The following ADAMTS16 variants were observed in gnomAD, a reference collection of about 807,000 sequenced individuals.
The protein encoded by ADAMTS16 is ADAM metallopeptidase with thrombospondin type 1 motif 16, also known as A disintegrin and metalloproteinase with thrombospondin motifs 16.
In ADAMTS16, 94 loss-of-function variants were observed where a neutral mutation model predicts 145.8. That is an observed-to-expected ratio of 0.64 (90% confidence interval 0.55 to 0.77). The LOEUF is 0.77. Among genes scored for constraint, ADAMTS16 ranks in the 30% least tolerant of loss-of-function variants. ADAMTS16 has a pLI of 0.00. For missense variants in ADAMTS16, 1,585 were observed against 1,591.5 expected (o/e 1.00, Z 0.07); for synonymous variants, 659 against 604.3 (o/e 1.09, Z -1.33).
At chr5:5,146,745 C>A (rs1161144200) in intron 3 of ADAMTS16, among the ~76,000 whole-genome samples, 2 of 152,182 alleles carry the variant, frequency 1.3e-5, no homozygotes, top group Non-Finnish European at 2.9e-5. Flanking sequence ...AATCTGAATT[C>A]TTTAGCTTCT....
At chr5:5,275,989 G>A (rs756252312) in intron 18 of ADAMTS16, among the ~76,000 whole-genome samples, 37 of 151,992 alleles carry the variant, frequency 2.4e-4, no homozygotes, top group Non-Finnish European at 1.8e-4. Context: ...CTCCCGAGTA[G>A]CTGGGATTAC....
chr5:5,221,840 C>T (rs1736612133), intron 10 of ADAMTS16, among the ~76,000 whole-genome samples: 1 of 152,194 alleles, frequency 6.6e-6, no homozygotes, highest in Admixed American at 6.5e-5. Context: ...ATCTTCCCAG[C>T]TGCACTACGT....
chr5:5,205,720 T>A (rs1736086830), intron 9 of ADAMTS16, among the ~76,000 whole-genome samples: 1 of 152,272 alleles, frequency 6.6e-6, no homozygotes, highest in Non-Finnish European at 1.5e-5. Flanking sequence ...ATATGCTTAT[T>A]TGCCATCTAT....
chr5:5,220,367 C>A (rs1449369005), intron 10 of ADAMTS16, among the ~76,000 whole-genome samples: 2 of 150,324 alleles, frequency 1.3e-5, no homozygotes, highest in Non-Finnish European at 3.0e-5. Context: ...ACTGTGTTAG[C>A]CAGGATGATC....
At chr5:5,177,019 C>A (rs1475582706) in intron 3 of ADAMTS16, among the ~76,000 whole-genome samples, 1 of 152,222 alleles carries the variant, frequency 6.6e-6, no homozygotes, top group East Asian at 1.9e-4. Context: ...CCAGATGACT[C>A]CTTCCCAGTC....
chr5:5,154,247 GT>G (rs1434142296), intron 3 of ADAMTS16, among the ~76,000 whole-genome samples: 1 of 152,182 alleles, frequency 6.6e-6, no homozygotes, highest in Non-Finnish European at 1.5e-5. Flanking sequence ...AGATGAAAAT[GT>G]CAGTCTTGGG....
chr5:5,168,596 A>G (rs1406519837), intron 3 of ADAMTS16, among the ~76,000 whole-genome samples: 1 of 125,512 alleles, frequency 8.0e-6, no homozygotes, highest in East Asian at 2.1e-4. Flanking sequence ...TATTATATAT[A>G]ATATATAATT....
intron 10 of ADAMTS16, among the ~76,000 whole-genome samples, chr5:5,215,789 ATG>A (rs373236533): frequency 2.2e-3 from 101 of 46,010 alleles, no homozygotes; most frequent in African/African-American, 0.016. Flanking sequence ...TGGTATATAT[ATG>A]TGTGGTATAT....
chr5:5,260,530 C>G (rs185761379), intron 17 of ADAMTS16, among the ~76,000 whole-genome samples: 1 of 152,172 alleles, frequency 6.6e-6, no homozygotes, highest in African/African-American at 2.4e-5. Context: ...GCCAAGTTAG[C>G]AGAGAGATGA....
At position 5,262,696 on chromosome 5, in the gene ADAMTS16, AG is replaced by A. The variant is rs745872587; in HGVS notation, c.2703del (p.Lys901AsnfsTer4). The A allele has an allele frequency of 5.0e-6, 8 of 1,614,232 alleles. No homozygotes were observed. Among genetic ancestry groups the A allele is most frequent in the Non-Finnish European group, 6.8e-6 (8 of 1,180,026 alleles). On this transcript the variant is annotated frameshift_variant, in exon 18 of 23. Transcript: ENST00000274181. LOFTEE classifies it high-confidence loss of function. ...TVREGCYRDL[K>X]FQVNMSFCNP... is the part of the protein sequence containing the mutation. The stretch of plus-strand genomic sequence containing the variant: ...AGAGAGGGCTGCTACAGAGACCTGA[AG>A]TTTCAAGTAAATATGTCCTTCTGCA...
At chr5:5,276,913 G>T (rs892455482) in intron 18 of ADAMTS16, among the ~76,000 whole-genome samples, 1 of 151,918 alleles carries the variant, frequency 6.6e-6, no homozygotes, top group Non-Finnish European at 1.5e-5. Context: ...TGTTTATTAA[G>T]AATAAATATG....
At chr5:5,314,999 G>A (rs1370035637) in intron 21 of ADAMTS16, among the ~76,000 whole-genome samples, 1 of 152,208 alleles carries the variant, frequency 6.6e-6, no homozygotes, top group East Asian at 1.9e-4. Flanking sequence ...CCATTCTCAC[G>A]CTGCTAATGA....
intron 4 of ADAMTS16, 78 bp from the exon 5 acceptor site, chr5:5,185,974 A>G (rs1221966897): frequency 7.7e-7 from 1 of 1,306,994 alleles, no homozygotes; most frequent in Non-Finnish European, 1.1e-6. Context: ...TTGAGACCAA[A>G]TTTCTCTATG....
At position 5,187,719 on chromosome 5, in the gene ADAMTS16, T is replaced by A; in HGVS notation, c.964-6T>A. On this transcript the variant is annotated splice_region_variant and splice_polypyrimidine_tract_variant and intron_variant, in intron 5 of 22. Transcript: ENST00000274181. ...GGGGCTGACATGGATTTCCTGTCTT[T>A]TTCAGGTATCTGCTTTATTCAAAGA... 1.2e-6 allele frequency: 2 copies of A among 1,605,626 alleles called. No homozygotes were observed. Among genetic ancestry groups the A allele is most frequent in the South Asian group, 1.1e-5 (1 of 90,500 alleles).
Position 5,209,144 on chromosome 5 carries a change from C to T in ADAMTS16, c.1503C>T (p.Tyr501=), listed in dbSNP as rs1172268260. ...LADQPKPVKE[Y]KYPEKLPGEL... ...ATCAGCCAAAGCCTGTGAAGGAATA[C>T]AAGTATCCTGAGAAATTGCCAGGAG... Residue 501 remains tyrosine, a synonymous_variant, in exon 10 of 23, where the codon TAC becomes TAT. Coordinates refer to ENST00000274181, the MANE Select transcript of ADAMTS16 (RefSeq NM_139056.4). 6.2e-7 allele frequency: 1 copy of T among 1,614,016 alleles called. No individual in the cohort carries two copies. The highest frequency in any genetic ancestry group is 8.5e-7 in the Non-Finnish European group (1 of 1,179,910).
intron 18 of ADAMTS16, among the ~76,000 whole-genome samples, chr5:5,285,325 CT>C (rs1739065079): frequency 6.6e-6 from 1 of 152,192 alleles, no homozygotes; most frequent in Non-Finnish European, 1.5e-5. Context: ...TGAAAGGTTT[CT>C]TCAGCACTGG....
intron 2 of ADAMTS16, 126 bp from the exon 3 acceptor site, chr5:5,146,004 A>AT: frequency 1.2e-6 from 1 of 815,280 alleles, no homozygotes; most frequent in Non-Finnish European, 1.9e-6. Flanking sequence ...TAGGTGTTGC[A>AT]TTTTTCTTCA....
intron 17 of ADAMTS16, among the ~76,000 whole-genome samples, chr5:5,257,649 A>G (rs1001515594): frequency 1.4e-4 from 21 of 152,250 alleles, no homozygotes; most frequent in African/African-American, 4.8e-4. Context: ...GTTTTTATTC[A>G]CAGCACTTCT....
chr5:5,231,382 C>T (rs1350897210), intron 11 of ADAMTS16, among the ~76,000 whole-genome samples: 1 of 152,096 alleles, frequency 6.6e-6, no homozygotes, highest in South Asian at 2.1e-4. Context: ...ATGTGTTACC[C>T]TAATACCTCA....
Sources: allele counts gnomAD v4.1 joint callset (sites outside exome capture counted in the v4.1 genomes callset), GRCh38; gene constraint gnomAD v4.1.1; transcripts MANE v1.5; gene names NCBI Gene and HGNC (gene_info 2026-07-23, HGNC 2026-07-21).